NLGN2: variants seen among roughly 807,000 people sequenced by gnomAD.
NLGN2 encodes the protein neuroligin 2, also known as neuroligin-2.
Under a neutral mutation model 48.6 loss-of-function variants are expected in NLGN2, and 11 were observed. That is an observed-to-expected ratio of 0.23 (90% CI 0.14 to 0.37). The LOEUF is 0.37. Among genes scored for constraint, NLGN2 ranks in the 10% least tolerant of loss-of-function variants. The probability of loss-of-function intolerance (pLI) is 1.00; values close to 1 mark genes in which losing one functional copy is unlikely to be tolerated. For missense variants in NLGN2, 801 were observed against 1,225.2 expected (o/e 0.65, Z 5.17); for synonymous variants, 548 against 550.0 (o/e 1.00, Z 0.05).
In NLGN2 at chr17:7,412,093, C is replaced by T. The variant is rs562109567; in HGVS notation, c.458-64C>T. 8.2e-5 allele frequency: 88 copies of T among 1,073,090 alleles called. No homozygotes were observed. In the South Asian group the frequency reaches 8.4e-4, roughly 10 times the overall value. 66.5% of individuals were successfully genotyped at this position (1,073,090 alleles called of 1,614,324 possible). A position where few individuals can be genotyped will look rare whatever the true frequency, so the allele number is the denominator to read the frequency against. On this transcript the variant is annotated intron_variant, in intron 1 of 6. Transcript: ENST00000302926. ...CCTCCCCTCCCCATCCACCACCTCCCCCCGACCCCCATCTTTCCCCACAAA... is the reference window on the plus strand; with the variant it reads ...CCTCCCCTCCCCATCCACCACCTCCTCCCGACCCCCATCTTTCCCCACAAA...
At chr17:7,406,220 G>A (rs1176658594), upstream of NLGN2, among the ~76,000 whole-genome samples, 9 of 152,108 alleles carry the variant, frequency 5.9e-5, no homozygotes, top group Admixed American at 5.9e-4. Context: ...AGCTGGAAGA[G>A]GCCCACAAAA....
intron 5 of NLGN2, 64 bp from the exon 6 acceptor site, chr17:7,415,447 A>G (rs1907060856): frequency 1.4e-6 from 2 of 1,430,532 alleles, no homozygotes; most frequent in East Asian, 4.5e-5. Flanking sequence ...GTGTGGGCTT[A>G]GCAGGCCACA....
At chr17:7,416,378 A>AC (rs1907103086) in intron 6 of NLGN2, among the ~76,000 whole-genome samples, 1 of 129,884 alleles carries the variant, frequency 7.7e-6, no homozygotes, top group Non-Finnish European at 1.8e-5. Context: ...CCCCTGCCCG[A>AC]CCCCCCTAGG....
In NLGN2 at chr17:7,415,134, C is replaced by T. The variant is rs776851836; in HGVS notation, c.1023C>T (p.Asp341=). 1.9e-4 allele frequency: 302 copies of T among 1,600,242 alleles called. No individual in the cohort carries two copies. Among genetic ancestry groups the T allele is most frequent in the Non-Finnish European group, 2.5e-4 (293 of 1,172,730 alleles). The change falls in exon 5 of 7, where the codon GAC becomes GAT. Residue 341 remains aspartate, a synonymous_variant. Transcript: ENST00000302926. ...RKPSRELVDQ[D]VQPARYHIAF... ...CCTCCCGGGAGCTGGTGGACCAGGA[C>T]GTGCAGCCTGCCCGGTATGGGGTGG...
upstream of NLGN2, among the ~76,000 whole-genome samples, chr17:7,406,932 G>A (rs1173955709): frequency 6.6e-6 from 1 of 152,160 alleles, no homozygotes; most frequent in Non-Finnish European, 1.5e-5. Context: ...AGGCTCCTGT[G>A]ATGTCTCTTC....
chr17:7,415,195 A>C, intron 5 of NLGN2, 47 bp downstream of exon 5: 1 of 1,525,634 alleles, frequency 6.6e-7, no homozygotes, highest in South Asian at 1.2e-5. Context: ...GGTTCCAAGG[A>C]GGCTGAGGTG....
Position 7,408,827 on chromosome 17 carries a change from G to GT in NLGN2, c.457+116dup. The GT allele has an allele frequency of 6.4e-7, 1 of 1,574,604 alleles. No individual in the cohort carries two copies. The highest frequency in any genetic ancestry group is 1.1e-5 in the South Asian group (1 of 88,276). On this transcript the variant is annotated intron_variant, in intron 1 of 6. Coordinates refer to ENST00000302926, the MANE Select transcript of NLGN2 (RefSeq NM_020795.4). This position sits in a 1 kb window ranked among gnomAD's most constrained non-coding sequence, Gnocchi z 7.5. ...TCAGAGCTGGGCCTTTGTGGGGGCA[G>GT]TGAGGGACGGAGTGTCCCTGCAACC...
chr17:7,413,876 C>T lies in NLGN2; in HGVS notation c.509-468C>T, dbSNP rs531964911. On this transcript the variant is annotated intron_variant, in intron 2 of 6. Coordinates refer to ENST00000302926, the MANE Select transcript of NLGN2 (RefSeq NM_020795.4). This position sits in a 1 kb window ranked among gnomAD's most constrained non-coding sequence, Gnocchi z 4.9. ...CAGGGACCCTAGGCCTGGCACCCCT[C>T]ACCCACCGACCAGGGTGCCATGTGG... Among the ~76,000 whole-genome samples the T allele has an allele frequency of 6.6e-6, 1 of 152,180 alleles. No homozygotes were observed. The highest frequency in any genetic ancestry group is 2.4e-5 in the African/African-American group (1 of 41,534).
intron 6 of NLGN2, among the ~76,000 whole-genome samples, chr17:7,416,428 G>T (rs1907106106): frequency 6.6e-6 from 1 of 152,128 alleles, no homozygotes; most frequent in Non-Finnish European, 1.5e-5. Context: ...GTGTGTGTCT[G>T]AGTGTGTGTA....
chr17:7,415,611 A>G lies in NLGN2; in HGVS notation c.1138A>G (p.Ile380Val), dbSNP rs750813559. The G allele has an allele frequency of 3.1e-6, 5 of 1,613,384 alleles. No homozygotes were observed. Among genetic ancestry groups the G allele is most frequent in the Non-Finnish European group, 4.2e-6 (5 of 1,179,298 alleles). The change falls in exon 6 of 7, where the codon ATC becomes GTC. Residue 380 changes from isoleucine to valine, a missense_variant. By Grantham distance (29) the Ile-to-Val change is conservative. Around this residue, in one of 5 missense-constraint regions of NLGN2, gnomAD observed 303 missense variants for 600.1 expected, o/e 0.50. Transcript: ENST00000302926. ...QGEFLNYDMLIGVNQGEGLKF... is the reference protein window; with the variant it reads ...QGEFLNYDMLVGVNQGEGLKF... Reference sequence around the variant, plus strand: ...AGAATTCCTCAACTACGACATGCTCATCGGCGTCAACCAGGGAGAGGGCCT... The same window carrying G: ...AGAATTCCTCAACTACGACATGCTCGTCGGCGTCAACCAGGGAGAGGGCCT...
chr17:7,417,186 G>C lies in NLGN2; in HGVS notation c.1895G>C (p.Arg632Pro), dbSNP rs541163955. Residue 632 changes from arginine (R) to proline (P), a missense_variant, in exon 7 of 7, where the codon CGT (arginine) becomes CCT (proline). Physicochemically the swap from Arg to Pro is moderately radical, Grantham distance 103. Transcript: ENST00000302926. ...CCCTACGCCACGCGCTGGCCGCCTCGTCCCCCCGCTGGCGCCCCGGGCACA... is the reference window on the plus strand; with the variant it reads ...CCCTACGCCACGCGCTGGCCGCCTCCTCCCCCCGCTGGCGCCCCGGGCACA... Reference protein sequence around the residue: ...LPPYATRWPPRPPAGAPGTRR... With the variant: ...LPPYATRWPPPPPAGAPGTRR... 1 of 1,571,036 alleles carries C rather than the reference G, an allele frequency of 6.4e-7. No homozygotes were observed. The highest frequency in any genetic ancestry group is 2.3e-5 in the East Asian group (1 of 42,692).
rs757177720 is a variant in NLGN2 at position 7,408,381 on chromosome 17, G to A, written c.126G>A (p.Pro42=). 5.4e-5 allele frequency: 83 copies of A among 1,529,078 alleles called. No individual in the cohort carries two copies. Among genetic ancestry groups the A allele is most frequent in the Admixed American group, 8.0e-5 (4 of 49,822 alleles). The allele number at this position is 1,529,078 out of a possible 1,614,324, so 94.7% of individuals were successfully genotyped here. A position where few individuals can be genotyped will look rare whatever the true frequency, so the allele number is the denominator to read the frequency against. Residue 42 remains proline, a synonymous_variant, in exon 1 of 7, where the codon CCG becomes CCA. Coordinates refer to ENST00000302926, the MANE Select transcript of NLGN2 (RefSeq NM_020795.4). The surrounding 1 kb of genome is among the most constrained non-coding windows in gnomAD (Gnocchi z 7.5). ...GCAGCCTCGGCGAGGAGCGCTTCCC[G>A]GTGGTGAACACGGCCTACGGGCGAG... is the stretch of plus-strand genomic sequence containing the variant. The part of the protein sequence containing the change: ...GLGSLGEERF[P]VVNTAYGRVR...
At position 7,413,975 on chromosome 17, in the gene NLGN2, G is replaced by A. The variant is rs372791396; in HGVS notation, c.509-369G>A. On this transcript the variant is annotated intron_variant, in intron 2 of 6. Transcript: ENST00000302926. The surrounding 1 kb of genome is among the most constrained non-coding windows in gnomAD (Gnocchi z 4.9). ...CAGCTCCAGCTCCAGTTCTAGCCTC[G>A]GGAGCTTGCTCTTCCCAGGGACAGG... Among the ~76,000 whole-genome samples the A allele has an allele frequency of 6.6e-5, 10 of 152,250 alleles. No homozygotes were observed. Among genetic ancestry groups the A allele is most frequent in the African/African-American group, 2.4e-4 (10 of 41,544 alleles).
chr17:7,410,484 T>C (rs1399621562), intron 1 of NLGN2, among the ~76,000 whole-genome samples: 2 of 151,950 alleles, frequency 1.3e-5, no homozygotes, highest in African/African-American at 2.4e-5. Flanking sequence ...TCCCAGCGCC[T>C]GCCCCATCAT....
chr17:7,411,558 G>A lies in NLGN2; in HGVS notation c.458-599G>A, dbSNP rs1008474631. On this transcript the variant is annotated intron_variant, in intron 1 of 6. Coordinates refer to ENST00000302926, the MANE Select transcript of NLGN2 (RefSeq NM_020795.4). The surrounding 1 kb of genome is among the most constrained non-coding windows in gnomAD (Gnocchi z 4.5). Reference sequence around the variant, plus strand: ...AGCGGAAGGCTTCTGGGGCTGAGCTGTGGGGCAGGCTGCCCCCCAACCCTG... The same window carrying A: ...AGCGGAAGGCTTCTGGGGCTGAGCTATGGGGCAGGCTGCCCCCCAACCCTG... Among the ~76,000 whole-genome samples the A allele has an allele frequency of 3.3e-5, 5 of 152,222 alleles. No individual in the cohort carries two copies. Among genetic ancestry groups the A allele is most frequent in the Admixed American group, 2.6e-4 (4 of 15,290 alleles).
At position 7,411,458 on chromosome 17, in the gene NLGN2, A is replaced by G. The variant is rs137996326; in HGVS notation, c.458-699A>G. Among the ~76,000 whole-genome samples the G allele has an allele frequency of 1.3e-5, 2 of 152,244 alleles. No homozygotes were observed. Among genetic ancestry groups the G allele is most frequent in the East Asian group, 1.9e-4 (1 of 5,174 alleles). ...AAGCCAGGCCTGTGAGTGTGGATAG[A>G]CGAGAAGTGCTGGTGGTGAGGCTGG... is the stretch of plus-strand genomic sequence containing the variant. On this transcript the variant is annotated intron_variant, in intron 1 of 6. Coordinates refer to ENST00000302926, the MANE Select transcript of NLGN2 (RefSeq NM_020795.4). This position sits in a 1 kb window ranked among gnomAD's most constrained non-coding sequence, Gnocchi z 4.5.
At chr17:7,412,059 G>A in intron 1 of NLGN2, 98 bp from the exon 2 acceptor site, 1 of 250,444 alleles carries the variant, frequency 4.0e-6, no homozygotes. Context: ...CCCCTTTTCT[G>A]CTTTCTCTCC....
chr17:7,407,058 C>G (rs931206032), upstream of NLGN2, among the ~76,000 whole-genome samples: 3 of 152,154 alleles, frequency 2.0e-5, no homozygotes, highest in African/African-American at 7.2e-5. Flanking sequence ...TCCCCCTCCT[C>G]TCAACATATA....
At position 7,408,994 on chromosome 17, in the gene NLGN2, C is replaced by G. The variant is rs910919473; in HGVS notation, c.457+282C>G. Among the ~76,000 whole-genome samples, 6 of 152,166 alleles carry G rather than the reference C, an allele frequency of 3.9e-5. No homozygotes were observed. The highest frequency in any genetic ancestry group is 3.9e-4 in the Admixed American group (6 of 15,288). ...GCACTGGACTAGGCTCACCCACTGT[C>G]TCCCCAAAGAGGCACAGTCTGCCAG... On this transcript the variant is annotated intron_variant, in intron 1 of 6. Coordinates refer to ENST00000302926, the MANE Select transcript of NLGN2 (RefSeq NM_020795.4). The surrounding 1 kb of genome is among the most constrained non-coding windows in gnomAD (Gnocchi z 7.5).
Sources: allele counts gnomAD v4.1 joint callset (sites outside exome capture counted in the v4.1 genomes callset), GRCh38; gene constraint gnomAD v4.1.1; regional missense constraint gnomAD v4.1.1; non-coding constraint Gnocchi (gnomAD v3.1); transcripts MANE v1.5; gene names NCBI Gene and HGNC (gene_info 2026-07-23, HGNC 2026-07-21).